The following ZNF208 variants were observed in gnomAD, a reference collection of about 807,000 sequenced individuals.
The protein encoded by ZNF208 is zinc finger protein 95.
In ZNF208, 10 loss-of-function variants were observed where a neutral mutation model predicts 12.1. The ratio of observed to expected loss-of-function variants is 0.83; its 90% CI spans 0.51 to 1.40. The LOEUF (loss-of-function observed/expected upper bound fraction) is 1.40. ZNF208 is among the 40% of genes most tolerant of loss of function. The probability of loss-of-function intolerance (pLI) is 0.00; values close to 1 mark genes in which losing one functional copy is unlikely to be tolerated. For missense variants in ZNF208, 1,652 were observed against 1,485.0 expected, an observed-to-expected ratio of 1.11 and a Z score of -1.85; for synonymous variants, 497 against 488.4, an observed-to-expected ratio of 1.02 and a Z score of -0.23.
chr19:21,987,763 C>A (rs1420522723), intron 2 of ZNF208, among the ~76,000 whole-genome samples: 1 of 152,174 alleles, frequency 6.6e-6, no homozygotes, highest in African/African-American at 2.4e-5. Context: ...GCCTAAACCA[C>A]CACTGCTATA....
intron 1 of ZNF208, among the ~76,000 whole-genome samples, chr19:21,999,003 ATTATGCTATAATTTTATAGCATAATT>A (rs537603243): frequency 0.018 from 2,708 of 149,020 alleles, 67 homozygotes; most frequent in African/African-American, 0.062. Flanking sequence ...TGACACTAAA[ATTATGCTATAATTTTATAGCATAATT>A]TTATGCTATA....
intron 4 of ZNF208, among the ~76,000 whole-genome samples, chr19:21,954,250 C>G (rs1162714410): frequency 6.6e-6 from 1 of 152,140 alleles, no homozygotes; most frequent in African/African-American, 2.4e-5. Context: ...TGCTTTACTT[C>G]CAACTATGTG....
chr19:21,964,076 C>G (rs1286581957), downstream of ZNF208, among the ~76,000 whole-genome samples: 1 of 151,798 alleles, frequency 6.6e-6, no homozygotes, highest in Non-Finnish European at 1.5e-5. Context: ...TATACATATA[C>G]TAAAACATCA....
chr19:21,992,594 T>TA (rs1399432581), intron 1 of ZNF208, among the ~76,000 whole-genome samples: 2 of 152,188 alleles, frequency 1.3e-5, no homozygotes, highest in Non-Finnish European at 2.9e-5. Flanking sequence ...CTGTCTTCAC[T>TA]AAAAACCCCA....
chr19:21,951,136 A>C (rs910348175), intron 4 of ZNF208, among the ~76,000 whole-genome samples: 1 of 152,230 alleles, frequency 6.6e-6, no homozygotes, highest in Non-Finnish European at 1.5e-5. Context: ...TTTTAATGTA[A>C]ACTGCTTCTT....
downstream of ZNF208, among the ~76,000 whole-genome samples, chr19:21,964,892 A>G (rs528625655): frequency 7.4e-4 from 112 of 152,096 alleles, no homozygotes; most frequent in African/African-American, 2.7e-3. Context: ...GAAGATATAT[A>G]AAGTTTCTTT....
chr19:21,974,369 G>A lies in ZNF208; in HGVS notation c.665C>T (p.Ala222Val), dbSNP rs61748336. The A allele has an allele frequency of 1.5e-5, 24 of 1,613,342 alleles. No homozygotes were observed. The highest frequency in any genetic ancestry group is 1.8e-5 in the Non-Finnish European group (21 of 1,179,702). ...TCTGTAGGGTTTCTCTCCAGTATGA[G>A]CACTCTTATAATAAGTAAGGGTTGA... is the stretch of plus-strand genomic sequence containing the variant. ...WSSTLTYYKS[A>V]HTGEKPYRCK... Residue 222 changes from alanine to valine, a missense_variant, in exon 4 of 4, where the codon GCT becomes GTT. Coordinates refer to ENST00000397126, the MANE Select transcript of ZNF208 (RefSeq NM_007153.3).
chr19:21,971,809 A>G lies in ZNF208; in HGVS notation c.3225T>C (p.His1075=), dbSNP rs749067348. 6.2e-7 allele frequency: 1 copy of G among 1,613,576 alleles called. No individual in the cohort carries two copies. Among genetic ancestry groups the G allele is most frequent in the Non-Finnish European group, 8.5e-7 (1 of 1,179,834 alleles). Residue 1075 remains histidine, a synonymous_variant, in exon 4 of 4, where the codon CAT becomes CAC. Coordinates refer to ENST00000397126, the MANE Select transcript of ZNF208 (RefSeq NM_007153.3). The part of the protein sequence containing the change: ...AFSWPSRLTE[H]KATHAGEEPY... Reference sequence around the variant, plus strand: ...GTTCCTCTCCAGCATGAGTTGCCTTATGTTCAGTAAGTCTTGAGGGCCAGC... The same window carrying G: ...GTTCCTCTCCAGCATGAGTTGCCTTGTGTTCAGTAAGTCTTGAGGGCCAGC...
At chr19:22,004,013 A>G (rs2145585315) in intron 1 of ZNF208, among the ~76,000 whole-genome samples, 1 of 151,990 alleles carries the variant, frequency 6.6e-6, no homozygotes, top group South Asian at 2.1e-4. Flanking sequence ...TAAAAAAAAA[A>G]GTACAAAAAT....
intron 4 of ZNF208, among the ~76,000 whole-genome samples, chr19:21,952,522 C>T (rs142544697): frequency 6.6e-6 from 1 of 152,232 alleles, no homozygotes; most frequent in Non-Finnish European, 1.5e-5. Context: ...TGGTGATACC[C>T]AGGCACTCAG....
intron 4 of ZNF208, among the ~76,000 whole-genome samples, chr19:21,947,173 T>C (rs910900992): frequency 2.6e-5 from 4 of 152,184 alleles, no homozygotes; most frequent in African/African-American, 9.7e-5. Flanking sequence ...TTTTACTCAG[T>C]AAGGGCCTTT....
intron 1 of ZNF208, among the ~76,000 whole-genome samples, chr19:21,989,492 T>C (rs1970690818): frequency 6.6e-6 from 1 of 152,130 alleles, no homozygotes; most frequent in Non-Finnish European, 1.5e-5. Flanking sequence ...TTGTTGGTCA[T>C]TTGGGTTGGT....
chr19:22,007,380 C>T (rs924727841), intron 1 of ZNF208, among the ~76,000 whole-genome samples: 5 of 151,216 alleles, frequency 3.3e-5, no homozygotes, highest in African/African-American at 4.9e-5. Context: ...ATTTGCTGGG[C>T]GTGGTGGCGG....
At chr19:21,975,781 G>A (rs1424493706) in intron 3 of ZNF208, among the ~76,000 whole-genome samples, 1 of 86,356 alleles carries the variant, frequency 1.2e-5, no homozygotes, top group Non-Finnish European at 2.2e-5. Flanking sequence ...GTCAACAAAA[G>A]ATTTGCAGTC....
intron 1 of ZNF208, among the ~76,000 whole-genome samples, chr19:22,001,916 A>G (rs1180783214): frequency 4.8e-5 from 7 of 145,052 alleles, no homozygotes; most frequent in Admixed American, 2.8e-4. Flanking sequence ...AAAAAAAAAA[A>G]AAAAAGAAAA....
At chr19:21,982,646 G>A (rs1483226875) in intron 3 of ZNF208, among the ~76,000 whole-genome samples, 1 of 152,092 alleles carries the variant, frequency 6.6e-6, no homozygotes, top group Non-Finnish European at 1.5e-5. Flanking sequence ...AAACAGTATG[G>A]TACTGGTATC....
chr19:21,976,480 A>C (rs2145555097), intron 3 of ZNF208, among the ~76,000 whole-genome samples: 1 of 152,332 alleles, frequency 6.6e-6, no homozygotes, highest in East Asian at 1.9e-4. Flanking sequence ...ATAGGTAATA[A>C]AAGTAACTCC....
At chr19:21,941,123 C>G in intron 4 of ZNF208, 1 of 375,262 alleles carries the variant, frequency 2.7e-6, no homozygotes, top group Non-Finnish European at 4.7e-6. Flanking sequence ...AAATGTCAGA[C>G]GCCAAGAACA....
intron 4 of ZNF208, among the ~76,000 whole-genome samples, chr19:21,958,088 G>T (rs1245851572): frequency 6.6e-6 from 1 of 151,362 alleles, no homozygotes; most frequent in Non-Finnish European, 1.5e-5. Context: ...ATGCAGTTTG[G>T]TTTTTTGTTC....
Sources: allele counts gnomAD v4.1 joint callset (sites outside exome capture counted in the v4.1 genomes callset), GRCh38; gene constraint gnomAD v4.1.1; transcripts MANE v1.5; gene names NCBI Gene and HGNC (gene_info 2026-07-23, HGNC 2026-07-21).